The following ATP11C variants were observed in gnomAD, a reference collection of about 807,000 sequenced individuals.
ATP11C encodes the protein phospholipid-transporting ATPase IG.
Under a neutral mutation model 97.4 loss-of-function variants are expected in ATP11C, and 36 were observed. The ratio of observed to expected loss-of-function variants is 0.37; its 90% CI spans 0.28 to 0.49. The LOEUF (loss-of-function observed/expected upper bound fraction) is 0.49. Ranked by LOEUF, ATP11C falls within the 20% of genes least tolerant of loss-of-function variation. ATP11C has a pLI of 0.98. For missense variants in ATP11C, 730 were observed against 824.6 expected, an observed-to-expected ratio of 0.89 and a Z score of 1.40; for synonymous variants, 275 against 290.9, an observed-to-expected ratio of 0.95 and a Z score of 0.56.
chrX:139,855,139 A>G (rs778931212), intron 1 of ATP11C, among the ~76,000 whole-genome samples: 25 of 112,004 alleles, frequency 2.2e-4, no homozygotes, highest in African/African-American at 7.8e-4. Flanking sequence ...TACAGGAAGC[A>G]TTGTCAAATA....
chrX:139,816,122 A>G (rs751566946), intron 4 of ATP11C, among the ~76,000 whole-genome samples: 1 of 111,859 alleles, frequency 8.9e-6, no homozygotes, highest in Non-Finnish European at 1.9e-5. Flanking sequence ...GATAACCCCA[A>G]GAGGAAAGGT....
At chrX:139,926,444 G>A (rs1210452367) in intron 1 of ATP11C, among the ~76,000 whole-genome samples, 7 of 111,974 alleles carry the variant, frequency 6.3e-5, no homozygotes, top group African/African-American at 1.9e-4. Flanking sequence ...CTAGTTCTTT[G>A]CACATCATGC....
At position 139,783,185 on chromosome X, in the gene ATP11C, G is replaced by A. The variant is rs1235794316; in HGVS notation, c.1749C>T (p.Val583=). Residue 583 remains valine (V), a synonymous_variant, in exon 17 of 30, where the codon GTC becomes GTT. Coordinates refer to ENST00000682941, the MANE Select transcript of ATP11C (RefSeq NM_001353812.2). The part of the protein sequence containing the change: ...VQNHEIELTK[V]HVERNAMDGY... ...TCACCATTGCATTACGTTCCACATG[G>A]ACTTTAGTTAACTCAATTTCATGAT... 8.3e-7 allele frequency: 1 copy of A among 1,204,755 alleles called. No homozygotes were observed. Among genetic ancestry groups the A allele is most frequent in the Non-Finnish European group, 1.1e-6 (1 of 890,119 alleles).
intron 18 of ATP11C, among the ~76,000 whole-genome samples, chrX:139,780,799 T>C (rs2082439531): frequency 8.9e-6 from 1 of 112,110 alleles, no homozygotes; most frequent in Non-Finnish European, 1.9e-5. Flanking sequence ...TGGAGGCCAC[T>C]ATCCTAAGTG....
chrX:139,782,761 T>C, intron 17 of ATP11C, 33 bp from the exon 18 acceptor site: 2 of 1,000,813 alleles, frequency 2.0e-6, no homozygotes, highest in Non-Finnish European at 1.4e-6. Context: ...GTAGTTATTC[T>C]AATAATAGTT....
intron 22 of ATP11C, among the ~76,000 whole-genome samples, chrX:139,761,544 G>C (rs770799829): frequency 1.6e-3 from 172 of 110,055 alleles, no homozygotes; most frequent in South Asian, 7.2e-3. Context: ...TGCCCAGGCT[G>C]GTCTCAAAAT....
intron 20 of ATP11C, among the ~76,000 whole-genome samples, chrX:139,766,601 T>C (rs182981489): frequency 9.9e-5 from 11 of 110,585 alleles, no homozygotes; most frequent in Admixed American, 3.8e-4. Flanking sequence ...TGTGTGTGTG[T>C]GCATATGTGT....
intron 18 of ATP11C, among the ~76,000 whole-genome samples, chrX:139,776,878 G>C (rs895663633): frequency 8.9e-6 from 1 of 111,916 alleles, no homozygotes; most frequent in Admixed American, 9.5e-5. Flanking sequence ...AACAGCATCT[G>C]AGAAAGCCAC....
At chrX:139,923,983 T>C (rs1357744094) in intron 1 of ATP11C, among the ~76,000 whole-genome samples, 1 of 111,614 alleles carries the variant, frequency 9.0e-6, no homozygotes, top group Non-Finnish European at 1.9e-5. Context: ...ATAGTCTTCT[T>C]TGACAAAATA....
intron 1 of ATP11C, among the ~76,000 whole-genome samples, chrX:139,902,243 T>G (rs762273813): frequency 9.0e-6 from 1 of 111,477 alleles, no homozygotes; most frequent in South Asian, 3.8e-4. Context: ...ACATATTGAT[T>G]GATGTCTCAG....
chrX:139,782,352 T>G (rs113530748), intron 18 of ATP11C, among the ~76,000 whole-genome samples, 195 bp downstream of exon 18: 4 of 109,378 alleles, frequency 3.7e-5, no homozygotes, highest in African/African-American at 1.3e-4. Flanking sequence ...AATTAAAAAA[T>G]TAAAAAAAAA....
intron 3 of ATP11C, among the ~76,000 whole-genome samples, chrX:139,818,554 A>C (rs995710708): frequency 8.9e-6 from 1 of 112,010 alleles, no homozygotes; most frequent in Non-Finnish European, 1.9e-5. Context: ...TTCAGGATTA[A>C]AATAGGCTCT....
At chrX:139,735,122 T>A (rs982783778) in intron 28 of ATP11C, among the ~76,000 whole-genome samples, 1 of 111,947 alleles carries the variant, frequency 8.9e-6, no homozygotes, top group African/African-American at 3.2e-5. Flanking sequence ...ATCTGATTCA[T>A]CCCTGAATTA....
intron 8 of ATP11C, 58 bp from the exon 9 acceptor site, chrX:139,798,801 G>A: frequency 1.0e-6 from 1 of 986,323 alleles, no homozygotes; most frequent in South Asian, 2.1e-5. Flanking sequence ...ACAACTCTGG[G>A]GACAGATTTT....
intron 1 of ATP11C, among the ~76,000 whole-genome samples, chrX:139,837,884 T>A (rs1461320490): frequency 9.0e-6 from 1 of 111,590 alleles, no homozygotes; most frequent in East Asian, 2.8e-4. Context: ...ATACAACTAT[T>A]CCCTGCATGC....
intron 6 of ATP11C, among the ~76,000 whole-genome samples, chrX:139,803,250 T>C (rs1308526411): frequency 1.8e-5 from 2 of 112,732 alleles, no homozygotes; most frequent in African/African-American, 6.4e-5. Context: ...TCTTGATTTA[T>C]ATCTTGACAT....
intron 1 of ATP11C, among the ~76,000 whole-genome samples, chrX:139,871,350 G>A (rs973336473): frequency 3.8e-5 from 4 of 106,307 alleles, no homozygotes; most frequent in African/African-American, 1.0e-4. Context: ...TGGCATTACA[G>A]GTGTGCGCCA....
intron 1 of ATP11C, among the ~76,000 whole-genome samples, chrX:139,910,807 C>T (rs1603417201): frequency 9.2e-6 from 1 of 109,020 alleles, no homozygotes; most frequent in East Asian, 2.9e-4. Context: ...TTTTGCCTAA[C>T]GTTACAGATA....
intron 25 of ATP11C, 27 bp from the exon 26 acceptor site, chrX:139,743,651 AC>A: frequency 6.5e-6 from 6 of 927,870 alleles, no homozygotes; most frequent in Non-Finnish European, 9.0e-6. Context: ...AATTACATGT[AC>A]CATGTATATA....
Sources: gnomAD v4.1 joint callset for allele counts (sites outside exome capture counted in the v4.1 genomes callset) on GRCh38, gnomAD v4.1.1 for gene constraint, MANE v1.5 for transcripts, NCBI Gene and HGNC (gene_info 2026-07-23, HGNC 2026-07-21) for gene names.